The following CNTLN variants were observed in gnomAD, a reference collection of about 807,000 sequenced individuals.
The protein encoded by CNTLN is centlein.
A neutral mutation model predicts 180.0 loss-of-function variants in CNTLN; 212 were observed. That is an observed-to-expected ratio of 1.18 (90% CI 1.05 to 1.32). The LOEUF (loss-of-function observed/expected upper bound fraction) is 1.32, where lower values mean the gene tolerates loss of function less well. Ranked by LOEUF, CNTLN falls within the 40% of genes most tolerant of loss-of-function variation. The pLI is 0.00. For synonymous variants in CNTLN, 722 were observed against 563.1 expected, an observed-to-expected ratio of 1.28 and a Z score of -3.99; for missense variants, 2,095 against 1,610.9, an observed-to-expected ratio of 1.30 and a Z score of -5.14.
Position 17,433,033 on chromosome 9 carries a change from A to AAC in CNTLN, c.3114+16845_3114+16846insCA, listed in dbSNP as rs1554719645. 2.3e-4 allele frequency among the ~76,000 whole-genome samples: 35 copies of AAC among 150,216 alleles called. 1 individual carries two copies. Among genetic ancestry groups the AAC allele is most frequent in the East Asian group, 1.0e-3 (5 of 4,892 alleles). On this transcript the variant is annotated intron_variant, in intron 18 of 25. Coordinates refer to ENST00000380647, the MANE Select transcript of CNTLN (RefSeq NM_017738.4). The stretch of plus-strand genomic sequence containing the variant: ...AAGACTCTGTCTCAAAAAAAAAAAA[A>AAC]AAAAACAAAGATTAGGAACAGAAAA...
chr9:17,301,714 T>C, intron 7 of CNTLN: 1 of 947,514 alleles, frequency 1.1e-6, no homozygotes, highest in Non-Finnish European at 1.3e-6. Context: ...ATATTCTTCT[T>C]ATTTATTTAT....
intron 6 of CNTLN, among the ~76,000 whole-genome samples, chr9:17,290,645 G>C (rs1236543088): frequency 3.4e-5 from 5 of 148,790 alleles, no homozygotes. Context: ...AGACTGCTGT[G>C]CTAGCAATCA....
chr9:17,343,648 C>T (rs1732371459), intron 12 of CNTLN, among the ~76,000 whole-genome samples: 2 of 152,102 alleles, frequency 1.3e-5, no homozygotes, highest in Admixed American at 1.3e-4. Context: ...GAGGCATTTC[C>T]TAATAATTTC....
chr9:17,257,879 C>T (rs887305306), intron 5 of CNTLN, among the ~76,000 whole-genome samples: 2 of 140,964 alleles, frequency 1.4e-5, no homozygotes, highest in Non-Finnish European at 3.1e-5. Flanking sequence ...GGATATTAGC[C>T]CTTTGTCAGA....
chr9:17,313,285 A>G (rs577080730), intron 8 of CNTLN, among the ~76,000 whole-genome samples: 2 of 152,252 alleles, frequency 1.3e-5, no homozygotes, highest in African/African-American at 4.8e-5. Flanking sequence ...TGCAGTGTTA[A>G]TCCATTGAAT....
At chr9:17,290,964 G>A (rs578256698) in intron 6 of CNTLN, among the ~76,000 whole-genome samples, 8 of 152,170 alleles carry the variant, frequency 5.3e-5, no homozygotes, top group Non-Finnish European at 7.4e-5. Flanking sequence ...GAAATCACCC[G>A]TCTTCTGTGT....
At chr9:17,327,449 G>T (rs1820378962) in intron 8 of CNTLN, among the ~76,000 whole-genome samples, 1 of 149,378 alleles carries the variant, frequency 6.7e-6, no homozygotes, top group Non-Finnish European at 1.5e-5. Flanking sequence ...CTCCCGAAGT[G>T]CTGGGATTAC....
chr9:17,433,741 A>G (rs1829576513), intron 18 of CNTLN, among the ~76,000 whole-genome samples: 1 of 151,862 alleles, frequency 6.6e-6, no homozygotes, highest in Admixed American at 6.6e-5. Flanking sequence ...CACCATGCCC[A>G]ACTATTTTAA....
intron 15 of CNTLN, among the ~76,000 whole-genome samples, chr9:17,402,061 C>T (rs1298301716): frequency 1.3e-5 from 2 of 151,748 alleles, no homozygotes; most frequent in Non-Finnish European, 2.9e-5. Context: ...ATGTCTGTAG[C>T]AGACAGAGGT....
intron 12 of CNTLN, among the ~76,000 whole-genome samples, chr9:17,351,557 T>G (rs1042024533): frequency 2.6e-5 from 4 of 152,196 alleles, no homozygotes; most frequent in Non-Finnish European, 5.9e-5. Flanking sequence ...AGTTTATGTA[T>G]TATTTTTTTT....
intron 2 of CNTLN, among the ~76,000 whole-genome samples, chr9:17,213,623 GAC>G (rs1823497451): frequency 6.6e-6 from 1 of 152,120 alleles, no homozygotes; most frequent in Non-Finnish European, 1.5e-5. Flanking sequence ...TTAACTTTCT[GAC>G]TCGTTGGTCT....
chr9:17,342,531 T>A, intron 12 of CNTLN, 87 bp downstream of exon 12: 1 of 1,199,936 alleles, frequency 8.3e-7, no homozygotes, highest in South Asian at 1.7e-5. Context: ...AGAAACACTT[T>A]ATAAAATTTG....
At chr9:17,392,629 A>T (rs1218494508) in intron 14 of CNTLN, among the ~76,000 whole-genome samples, 1 of 152,206 alleles carries the variant, frequency 6.6e-6, no homozygotes, top group Non-Finnish European at 1.5e-5. Flanking sequence ...GGTCATGTGT[A>T]GGTCCTTTAA....
intron 2 of CNTLN, among the ~76,000 whole-genome samples, chr9:17,212,393 T>A (rs920943163): frequency 6.6e-6 from 1 of 152,170 alleles, no homozygotes; most frequent in Non-Finnish European, 1.5e-5. Context: ...CCTTGCATCC[T>A]AGGGGTGAAG....
chr9:17,303,261 A>G (rs1290278356), intron 7 of CNTLN, among the ~76,000 whole-genome samples: 1 of 152,220 alleles, frequency 6.6e-6, no homozygotes, highest in Non-Finnish European at 1.5e-5. Context: ...AAGCCTCGGT[A>G]AACAGATTCT....
At chr9:17,171,749 G>A (rs1160171045) in intron 2 of CNTLN, among the ~76,000 whole-genome samples, 2 of 152,068 alleles carry the variant, frequency 1.3e-5, no homozygotes, top group South Asian at 2.1e-4. Flanking sequence ...CACCGGTTTG[G>A]TAATGGTATG....
chr9:17,493,271 A>G (rs1049906158), intron 25 of CNTLN, among the ~76,000 whole-genome samples: 12 of 152,154 alleles, frequency 7.9e-5, no homozygotes, highest in Non-Finnish European at 1.8e-4. Context: ...AAAAAATCTA[A>G]AGTAGGATTT....
Position 17,464,516 on chromosome 9 carries a change from G to C in CNTLN, c.3424G>C (p.Asp1142His), listed in dbSNP as rs752858738. The change falls in exon 21 of 26, where the codon GAT becomes CAT. Residue 1142 changes from aspartate (D) to histidine (H), a missense_variant. Transcript: ENST00000380647. ...MHEKISRMER[D>H]ITMKRHLIED... ...TTCAAGGATATCTCGAATGGAGAGGGATATAACTATGAAAAGACATTTGAT... is the reference window on the plus strand; with the variant it reads ...TTCAAGGATATCTCGAATGGAGAGGCATATAACTATGAAAAGACATTTGAT... 1 of 1,529,696 alleles carries C rather than the reference G, an allele frequency of 6.5e-7. No homozygotes were observed. Among genetic ancestry groups the C allele is most frequent in the South Asian group, 1.3e-5 (1 of 78,008 alleles). The allele number at this position is 1,529,696 out of a possible 1,614,324, so 94.8% of individuals were successfully genotyped here.
chr9:17,196,985 C>G (rs965709887), intron 2 of CNTLN, among the ~76,000 whole-genome samples: 3 of 152,154 alleles, frequency 2.0e-5, no homozygotes, highest in African/African-American at 7.2e-5. Context: ...CCATTAACCC[C>G]CTCCGTTCCA....
Sources: allele counts gnomAD v4.1 joint callset (sites outside exome capture counted in the v4.1 genomes callset), GRCh38; gene constraint gnomAD v4.1.1; transcripts MANE v1.5; gene names NCBI Gene and HGNC (gene_info 2026-07-23, HGNC 2026-07-21).